The following HIVEP1 variants were observed in gnomAD, a reference collection of about 807,000 sequenced individuals.
HIVEP1 encodes the protein zinc finger protein 40.
In HIVEP1, 36 loss-of-function variants were observed where a neutral mutation model predicts 180.0. The observed-to-expected ratio is 0.20, with a 90% CI of 0.15 to 0.26. HIVEP1 has a LOEUF of 0.26. Among genes scored for constraint, HIVEP1 ranks in the 10% least tolerant of loss-of-function variants. The probability of loss-of-function intolerance (pLI) is 1.00; values close to 1 mark genes in which losing one functional copy is unlikely to be tolerated. For missense variants in HIVEP1, 3,143 were observed against 3,268.7 expected (o/e 0.96, Z 0.94); for synonymous variants, 1,239 against 1,239.0 (o/e 1.00, Z 0.00).
the HIVEP1 span, among the ~76,000 whole-genome samples, chr6:12,200,870 T>C: frequency 6.6e-6 from 1 of 152,358 alleles, no homozygotes; most frequent in Admixed American, 6.5e-5. Flanking sequence ...ATTCTTGACA[T>C]AAAATGAGCA....
intron 6 of HIVEP1, among the ~76,000 whole-genome samples, chr6:12,131,779 TAAAAAAAAAAAAAA>T (rs143910763): frequency 4.4e-5 from 4 of 90,696 alleles, no homozygotes; most frequent in African/African-American, 1.3e-4. Flanking sequence ...GAGAAAACAG[TAAAAAAAAAAAAAA>T]AAAAAAAAAA....
At chr6:12,179,835 T>C in the HIVEP1 span, among the ~76,000 whole-genome samples, 1 of 151,962 alleles carries the variant, frequency 6.6e-6, no homozygotes, top group African/African-American at 2.4e-5. Flanking sequence ...TAATGTTTTG[T>C]TTATTTATTA....
chr6:12,199,475 C>A, the HIVEP1 span, among the ~76,000 whole-genome samples: 1 of 149,790 alleles, frequency 6.7e-6, no homozygotes, highest in Non-Finnish European at 1.5e-5. Flanking sequence ...GATTCTCCTG[C>A]CTCAGCCTCC....
At chr6:12,141,563 C>G (rs562987150) in intron 7 of HIVEP1, among the ~76,000 whole-genome samples, 4 of 151,658 alleles carry the variant, frequency 2.6e-5, no homozygotes, top group African/African-American at 9.7e-5. Context: ...AATTAAAAGA[C>G]ACAGGCAAAT....
intron 7 of HIVEP1, among the ~76,000 whole-genome samples, chr6:12,147,066 G>A (rs750248126): frequency 4.8e-4 from 73 of 152,168 alleles, no homozygotes; most frequent in Non-Finnish European, 6.6e-4. Flanking sequence ...ACAGGTTGGG[G>A]AAGAGGAATA....
At chr6:12,177,219 G>A in the HIVEP1 span, among the ~76,000 whole-genome samples, 1 of 152,058 alleles carries the variant, frequency 6.6e-6, no homozygotes, top group Non-Finnish European at 1.5e-5. Context: ...TGAGTACTAG[G>A]CTTAGTACCT....
the HIVEP1 span, among the ~76,000 whole-genome samples, chr6:12,201,563 A>G: frequency 1.3e-5 from 2 of 152,250 alleles, no homozygotes; most frequent in African/African-American, 4.8e-5. Context: ...GGAGAATCCC[A>G]GGATGAATTA....
At chr6:12,194,852 C>A in the HIVEP1 span, among the ~76,000 whole-genome samples, 1 of 152,078 alleles carries the variant, frequency 6.6e-6, no homozygotes, top group African/African-American at 2.4e-5. Flanking sequence ...AGGACTCTTA[C>A]AACAGAATGA....
intron 3 of HIVEP1, among the ~76,000 whole-genome samples, chr6:12,118,002 A>G (rs1424392617): frequency 6.6e-6 from 1 of 152,220 alleles, no homozygotes; most frequent in Non-Finnish European, 1.5e-5. Context: ...AGGGAAAACC[A>G]GTGGGAAAAC....
intron 3 of HIVEP1, among the ~76,000 whole-genome samples, chr6:12,099,183 G>T (rs983958314): frequency 1.4e-5 from 2 of 138,442 alleles, no homozygotes; most frequent in African/African-American, 5.5e-5. Flanking sequence ...ATGTCACTGA[G>T]TTTTTTTTTT....
chr6:12,115,136 G>A (rs1209870130), intron 3 of HIVEP1, among the ~76,000 whole-genome samples: 4 of 152,118 alleles, frequency 2.6e-5, no homozygotes, highest in Admixed American at 6.5e-5. Flanking sequence ...TGGCAACTAA[G>A]ATGCACTCTT....
intron 3 of HIVEP1, among the ~76,000 whole-genome samples, chr6:12,099,971 G>A (rs1774014750): frequency 6.6e-6 from 1 of 152,162 alleles, no homozygotes; most frequent in Admixed American, 6.5e-5. Context: ...TTCTTTAACA[G>A]CTCCAAATGA....
intron 3 of HIVEP1, among the ~76,000 whole-genome samples, chr6:12,107,754 G>C (rs528103895): frequency 1.3e-5 from 2 of 152,168 alleles, no homozygotes; most frequent in East Asian, 1.9e-4. Flanking sequence ...CTTCCACAGC[G>C]TAGAAGGGGA....
chr6:12,139,868 G>A (rs1225212870), intron 7 of HIVEP1, among the ~76,000 whole-genome samples: 1 of 152,276 alleles, frequency 6.6e-6, no homozygotes, highest in Non-Finnish European at 1.5e-5. Context: ...CCGCAGCTCA[G>A]CAAGGCAGAC....
chr6:12,114,065 A>G (rs948265182), intron 3 of HIVEP1, among the ~76,000 whole-genome samples: 1 of 152,118 alleles, frequency 6.6e-6, no homozygotes, highest in African/African-American at 2.4e-5. Context: ...CCCATATCCT[A>G]AAGAAGACTT....
intron 2 of HIVEP1, among the ~76,000 whole-genome samples, chr6:12,061,349 A>G (rs1771219216): frequency 1.3e-5 from 2 of 152,260 alleles, no homozygotes; most frequent in Admixed American, 1.3e-4. Flanking sequence ...AATGACATCA[A>G]TAGCAGGTCA....
Position 12,123,161 on chromosome 6 carries a change from C to A in HIVEP1, c.3366C>A (p.Asp1122Glu). ...MEQQISSAAQ[D>E]KIELQRHGTG... is the part of the protein sequence containing the mutation. The stretch of plus-strand genomic sequence containing the variant: ...AACAGATAAGTTCAGCAGCCCAGGA[C>A]AAGATAGAACTGCAGAGACACGGAA... Residue 1122 changes from aspartate (D) to glutamate (E), a missense_variant, in exon 4 of 9, where the codon GAC (aspartate) becomes GAA (glutamate). Physicochemically the swap from Asp to Glu is conservative, Grantham distance 45 (BLOSUM62 2). This residue lies in a region of HIVEP1 where 1,357 missense variants were observed against 1,260.5 expected (regional missense o/e 1.08). Transcript: ENST00000379388. The A allele has an allele frequency of 6.2e-7, 1 of 1,614,196 alleles. No individual in the cohort carries two copies. Among genetic ancestry groups the A allele is most frequent in the South Asian group, 1.1e-5 (1 of 91,076 alleles).
intron 2 of HIVEP1, among the ~76,000 whole-genome samples, chr6:12,059,576 G>A (rs996045596): frequency 4.6e-5 from 7 of 152,038 alleles, no homozygotes; most frequent in Admixed American, 2.0e-4. Context: ...ACATCCCTCC[G>A]GTGGTGCTCC....
At chr6:12,134,329 A>G (rs894131096) in intron 6 of HIVEP1, among the ~76,000 whole-genome samples, 1 of 152,182 alleles carries the variant, frequency 6.6e-6, no homozygotes, top group Admixed American at 6.5e-5. Context: ...GACCTTAGCC[A>G]TCATCTGGTC....
Sources: allele counts gnomAD v4.1 joint callset (sites outside exome capture counted in the v4.1 genomes callset), GRCh38; gene constraint gnomAD v4.1.1; regional missense constraint gnomAD v4.1.1; transcripts MANE v1.5; gene names NCBI Gene and HGNC (gene_info 2026-07-23, HGNC 2026-07-21).